ADAMTS12: variants seen among roughly 807,000 people sequenced by gnomAD.
The protein encoded by ADAMTS12 is A disintegrin and metalloproteinase with thrombospondin motifs 12.
ADAMTS12 carries 118 observed loss-of-function variants against 167.8 expected under a neutral mutation model. The ratio of observed to expected loss-of-function variants is 0.70; its 90% CI spans 0.61 to 0.82. ADAMTS12 has a LOEUF of 0.82. Among genes scored for constraint, ADAMTS12 ranks in the 40% least tolerant of loss-of-function variants. ADAMTS12 has a pLI of 0.00. For synonymous variants in ADAMTS12, 704 were observed against 716.9 expected, an observed-to-expected ratio of 0.98 and a Z score of 0.29; for missense variants, 1,916 against 1,998.8, an observed-to-expected ratio of 0.96 and a Z score of 0.79.
At chr5:33,538,807 C>T (rs898101089) in intron 22 of ADAMTS12, among the ~76,000 whole-genome samples, 13 of 152,158 alleles carry the variant, frequency 8.5e-5, no homozygotes, top group Non-Finnish European at 1.6e-4. Context: ...CCTCCTTTCT[C>T]TTTTCTATCA....
chr5:33,816,098 C>G (rs1007613168), intron 2 of ADAMTS12, among the ~76,000 whole-genome samples: 2 of 152,144 alleles, frequency 1.3e-5, no homozygotes, highest in African/African-American at 4.8e-5. Flanking sequence ...GTTTCAGTAT[C>G]CTTGGGTGAA....
At chr5:33,720,974 C>T (rs933904402) in intron 3 of ADAMTS12, among the ~76,000 whole-genome samples, 2 of 152,160 alleles carry the variant, frequency 1.3e-5, no homozygotes, top group African/African-American at 4.8e-5. Context: ...TGAAAAATAT[C>T]CACTGCCCAA....
intron 2 of ADAMTS12, among the ~76,000 whole-genome samples, chr5:33,849,726 C>CAA (rs958691351): frequency 4.1e-5 from 6 of 146,384 alleles, no homozygotes; most frequent in Admixed American, 4.1e-4. Context: ...TATATAGTAT[C>CAA]TATATATGTA....
At chr5:33,821,950 G>C (rs1747885744) in intron 2 of ADAMTS12, among the ~76,000 whole-genome samples, 1 of 152,130 alleles carries the variant, frequency 6.6e-6, no homozygotes, top group South Asian at 2.1e-4. Context: ...CTTCTGTCTA[G>C]ACTAAAATAG....
intron 16 of ADAMTS12, among the ~76,000 whole-genome samples, chr5:33,598,544 T>C (rs973130599): frequency 6.6e-6 from 1 of 152,182 alleles, no homozygotes; most frequent in African/African-American, 2.4e-5. Flanking sequence ...CTCAGCTAGT[T>C]TATCCTGGAA....
At chr5:33,571,727 C>A (rs1093821) in intron 19 of ADAMTS12, among the ~76,000 whole-genome samples, 65,555 of 144,530 alleles carry the variant, frequency 0.45, 15,254 homozygotes, top group African/African-American at 0.54. Flanking sequence ...AGCTAGCAGA[C>A]GGCAAGAAAT....
In ADAMTS12 at chr5:33,527,141, G is replaced by A. The variant is rs755224715; in HGVS notation, c.*47C>T. ...AGCTCCCAGGGCTAAAGCATGTCATGGTCAGCAGGCTGCTGCAGTCTGGTG... is the reference window on the plus strand; with the variant it reads ...AGCTCCCAGGGCTAAAGCATGTCATAGTCAGCAGGCTGCTGCAGTCTGGTG... On this transcript the variant is annotated 3_prime_UTR_variant, in exon 24 of 24. Transcript: ENST00000504830. The A allele has an allele frequency of 3.1e-6, 5 of 1,604,946 alleles. No homozygotes were observed. In the South Asian group the frequency reaches 5.5e-5, roughly 18 times the overall value.
chr5:33,780,408 A>G (rs1746083027), intron 2 of ADAMTS12, among the ~76,000 whole-genome samples: 2 of 152,178 alleles, frequency 1.3e-5, no homozygotes, highest in African/African-American at 4.8e-5. Context: ...TACTTTACAG[A>G]TAAGGGATTC....
At chr5:33,641,044 C>T (rs1414017224) in intron 11 of ADAMTS12, among the ~76,000 whole-genome samples, 1 of 151,606 alleles carries the variant, frequency 6.6e-6, no homozygotes, top group African/African-American at 2.4e-5. Context: ...ATAAAAGAAA[C>T]AATATAATTT....
intron 2 of ADAMTS12, among the ~76,000 whole-genome samples, chr5:33,835,657 C>T (rs1222797625): frequency 2.0e-5 from 3 of 149,594 alleles, no homozygotes; most frequent in Non-Finnish European, 4.4e-5. Flanking sequence ...GAGAGTTCCC[C>T]TTCATGACCT....
In ADAMTS12 at chr5:33,526,352, A is replaced by G. The variant is rs1470042657; in HGVS notation, c.*836T>C. 1 of 152,172 alleles carries G rather than the reference A, an allele frequency of 6.6e-6. No individual in the cohort carries two copies. Among genetic ancestry groups the G allele is most frequent in the Non-Finnish European group, 1.5e-5 (1 of 68,044 alleles). The allele number at this position is 152,172 out of a possible 1,614,324, so 9.4% of individuals were successfully genotyped here. A position where few individuals can be genotyped will look rare whatever the true frequency, so the allele number is the denominator to read the frequency against. The stretch of plus-strand genomic sequence containing the variant: ...CAGGAAGACACATTTTCCCTTCTGC[A>G]AAGGAGTGTGTATTTGCCAGGAAAG... On this transcript the variant is annotated 3_prime_UTR_variant, in exon 24 of 24. Coordinates refer to ENST00000504830, the MANE Select transcript of ADAMTS12 (RefSeq NM_030955.4).
intron 2 of ADAMTS12, among the ~76,000 whole-genome samples, chr5:33,838,411 G>A (rs558194417): frequency 1.2e-4 from 18 of 152,288 alleles, no homozygotes; most frequent in African/African-American, 2.6e-4. Flanking sequence ...GGCCAGGCAC[G>A]GTGGCTCACA....
intron 1 of ADAMTS12, 124 bp downstream of exon 1, chr5:33,891,606 C>A: frequency 6.9e-7 from 1 of 1,454,358 alleles, no homozygotes; most frequent in Non-Finnish European, 9.3e-7. Context: ...GATTTCCTTA[C>A]AACGCAGCCA....
rs969269754 is a variant in ADAMTS12, at chr5:33,561,167, A to C, written c.3985T>G (p.Cys1329Gly). The C allele has an allele frequency of 1.4e-5, 23 of 1,613,984 alleles. No individual in the cohort carries two copies. Among genetic ancestry groups the C allele is most frequent in the Non-Finnish European group, 1.9e-5 (23 of 1,179,974 alleles). The change falls in exon 20 of 24, where the codon TGT becomes GGT. Residue 1329 changes from cysteine to glycine, a missense_variant. By Grantham distance (159) the Cys-to-Gly change is radical (BLOSUM62 -3). Transcript: ENST00000504830. ...VGNWSECSTT[C>G]GLGAYWRRVE... ...CTTCTCCAGTAGGCCCCCAGGCCAC[A>C]TGTGGTGGAGCACTGTAGCAGGGAA... is the stretch of plus-strand genomic sequence containing the variant.
At chr5:33,698,118 T>TTCA (rs1264803811) in intron 3 of ADAMTS12, among the ~76,000 whole-genome samples, 1 of 152,242 alleles carries the variant, frequency 6.6e-6, no homozygotes, top group Admixed American at 6.5e-5. Flanking sequence ...GAGAGAAGAA[T>TTCA]GAACGTCTGG....
intron 5 of ADAMTS12, among the ~76,000 whole-genome samples, chr5:33,664,582 A>G (rs975494242): frequency 2.9e-4 from 44 of 152,224 alleles, no homozygotes; most frequent in African/African-American, 7.2e-5. Flanking sequence ...AAGGAAATGC[A>G]AATTAAAACT....
intron 13 of ADAMTS12, among the ~76,000 whole-genome samples, chr5:33,629,566 T>C (rs1220791063): frequency 6.6e-6 from 1 of 152,152 alleles, no homozygotes; most frequent in Non-Finnish European, 1.5e-5. Context: ...CTCACCCTTG[T>C]ATGCCTGATG....
At chr5:33,546,026 A>C in intron 22 of ADAMTS12, 33 bp downstream of exon 22, 1 of 1,574,690 alleles carries the variant, frequency 6.4e-7, no homozygotes, top group African/African-American at 1.4e-5. Flanking sequence ...AAAAAAAGCT[A>C]AAGTAAAAAA....
intron 2 of ADAMTS12, 96 bp from the exon 3 acceptor site, chr5:33,751,644 A>T: frequency 8.2e-7 from 1 of 1,222,612 alleles, no homozygotes; most frequent in Non-Finnish European, 1.2e-6. Flanking sequence ...GTATCTCTGA[A>T]ACTCCTAAGA....
Sources: gnomAD v4.1 joint callset for allele counts (sites outside exome capture counted in the v4.1 genomes callset) on GRCh38, gnomAD v4.1.1 for gene constraint, MANE v1.5 for transcripts, NCBI Gene and HGNC (gene_info 2026-07-23, HGNC 2026-07-21) for gene names.